The following ASTN2 variants were observed in gnomAD, a reference collection of about 807,000 sequenced individuals.
The protein encoded by ASTN2 is astrotactin-2.
Under a neutral mutation model 139.8 loss-of-function variants are expected in ASTN2, and 54 were observed. That is an observed-to-expected ratio of 0.39 (90% CI 0.31 to 0.48). The LOEUF (loss-of-function observed/expected upper bound fraction) is 0.48. Among genes scored for constraint, ASTN2 ranks in the 20% least tolerant of loss-of-function variants. The probability of loss-of-function intolerance (pLI) is 0.95; values close to 1 mark genes in which losing one functional copy is unlikely to be tolerated. For missense variants in ASTN2, 1,565 were observed against 1,725.1 expected (o/e 0.91, Z 1.64); for synonymous variants, 756 against 719.5 (o/e 1.05, Z -0.81).
chr9:117,312,163 A>G (rs1827993409), intron 1 of ASTN2, among the ~76,000 whole-genome samples: 1 of 152,216 alleles, frequency 6.6e-6, no homozygotes, highest in African/African-American at 2.4e-5. Context: ...TTCCCCCCAG[A>G]GACTTCTCTC....
intron 10 of ASTN2, among the ~76,000 whole-genome samples, chr9:116,949,166 T>C (rs1251086108): frequency 6.6e-6 from 1 of 152,014 alleles, no homozygotes; most frequent in Non-Finnish European, 1.5e-5. Context: ...ATACACTCTG[T>C]AAATAAAAGA....
intron 10 of ASTN2, 127 bp from the exon 11 acceptor site, chr9:116,863,860 T>C: frequency 9.3e-7 from 1 of 1,077,752 alleles, no homozygotes; most frequent in Non-Finnish European, 1.3e-6. Context: ...TAATAATCAA[T>C]ATTATAAAAA....
At chr9:116,962,498 C>T (rs1479723899) in intron 10 of ASTN2, among the ~76,000 whole-genome samples, 2 of 152,142 alleles carry the variant, frequency 1.3e-5, no homozygotes. Context: ...TTGATGTCTT[C>T]AGGAATGCTG....
At chr9:116,770,115 A>G (rs573599379) in intron 13 of ASTN2, among the ~76,000 whole-genome samples, 1 of 151,670 alleles carries the variant, frequency 6.6e-6, no homozygotes, top group Non-Finnish European at 1.5e-5. Flanking sequence ...AAAAAAAAAA[A>G]AAAACTAAAA....
At chr9:117,005,081 T>TTTTG (rs1837315926) in intron 7 of ASTN2, among the ~76,000 whole-genome samples, 1 of 7,436 alleles carries the variant, frequency 1.3e-4, no homozygotes, top group Non-Finnish European at 3.6e-4. Context: ...CTGTAGTCGA[T>TTTTG]TTTTTTTTTT....
intron 1 of ASTN2, among the ~76,000 whole-genome samples, chr9:117,337,637 T>A (rs1422445816): frequency 6.6e-6 from 1 of 152,134 alleles, no homozygotes; most frequent in Non-Finnish European, 1.5e-5. Context: ...CTTCAATATG[T>A]TTGAATTTTT....
chr9:116,602,804 T>C (rs1564145891), intron 19 of ASTN2, among the ~76,000 whole-genome samples: 1 of 152,012 alleles, frequency 6.6e-6, no homozygotes, highest in East Asian at 1.9e-4. Context: ...GTGGCATGCA[T>C]CTACAGTCCC....
chr9:117,109,059 C>T (rs1297038709), intron 4 of ASTN2, among the ~76,000 whole-genome samples: 2 of 151,970 alleles, frequency 1.3e-5, no homozygotes, highest in African/African-American at 2.4e-5. Context: ...CCGAGGTGGG[C>T]GGATCACTTG....
chr9:117,084,795 C>T (rs1311389917), intron 5 of ASTN2, among the ~76,000 whole-genome samples: 2 of 152,162 alleles, frequency 1.3e-5, no homozygotes, highest in African/African-American at 4.8e-5. Flanking sequence ...AGTGGTGGTT[C>T]TCGATGCTGG....
chr9:117,040,317 G>C (rs1239327214), intron 5 of ASTN2, among the ~76,000 whole-genome samples: 1 of 152,198 alleles, frequency 6.6e-6, no homozygotes, highest in Non-Finnish European at 1.5e-5. Context: ...AGAGGCAAGT[G>C]AGAAGATACC....
intron 6 of ASTN2, among the ~76,000 whole-genome samples, chr9:117,022,975 A>G (rs10983465): frequency 0.21 from 31,380 of 151,882 alleles, 4,018 homozygotes; most frequent in Middle Eastern, 0.28. Flanking sequence ...GATAGTGAAA[A>G]CAAATCAAAC....
chr9:117,134,297 C>T (rs2021154), intron 4 of ASTN2, among the ~76,000 whole-genome samples: 7,173 of 44,456 alleles, frequency 0.16, 206 homozygotes, highest in African/African-American at 0.2. Flanking sequence ...TATATATATA[C>T]ACACACACAC....
intron 20 of ASTN2, among the ~76,000 whole-genome samples, chr9:116,486,061 G>A (rs1466012462): frequency 6.6e-6 from 1 of 152,142 alleles, no homozygotes; most frequent in Non-Finnish European, 1.5e-5. Context: ...CTACAAGGTG[G>A]GTTTTATTAT....
At chr9:117,234,540 G>A (rs568583472) in intron 2 of ASTN2, among the ~76,000 whole-genome samples, 3 of 152,216 alleles carry the variant, frequency 2.0e-5, no homozygotes, top group South Asian at 4.2e-4. Flanking sequence ...AGATCTTAAG[G>A]TTAGCTGACA....
chr9:116,618,547 A>G lies in ASTN2; in HGVS notation c.3207-75T>C, dbSNP rs1855968709. ...GGGCCCAAAAGAATCCGCATGTGTCAAGATGAAGCATAGGTTTCAGTCTGA... is the reference window on the plus strand; with the variant it reads ...GGGCCCAAAAGAATCCGCATGTGTCGAGATGAAGCATAGGTTTCAGTCTGA... On this transcript the variant is annotated intron_variant, in intron 18 of 22. Coordinates refer to ENST00000313400, the MANE Select transcript of ASTN2 (RefSeq NM_001365068.1). 3.4e-6 allele frequency: 5 copies of G among 1,483,386 alleles called. No individual in the cohort carries two copies. The Admixed American group carries it at 1.2e-4, about 34-fold the overall frequency. The allele number at this position is 1,483,386 out of a possible 1,614,324, so 91.9% of individuals were successfully genotyped here. A position where few individuals can be genotyped will look rare whatever the true frequency, so the allele number is the denominator to read the frequency against.
Position 116,651,593 on chromosome 9 carries a change from C to T in ASTN2, c.3007G>A (p.Val1003Met), listed in dbSNP as rs142804658. Reference sequence around the variant, plus strand: ...ACCACACGGTTGATTTCCAGCAGCACTGGTGTGGGGCTCAGCTGCTCCTTG... The same window carrying T: ...ACCACACGGTTGATTTCCAGCAGCATTGGTGTGGGGCTCAGCTGCTCCTTG... ...PGKEQLSPTPVLLEINRVVPL... is the reference protein window; with the variant it reads ...PGKEQLSPTPMLLEINRVVPL... Residue 1003 changes from valine (V) to methionine (M), a missense_variant, in exon 17 of 23, where the codon GTG becomes ATG. By Grantham distance (21) the Val-to-Met change is conservative. Transcript: ENST00000313400. 1.3e-5 allele frequency: 21 copies of T among 1,614,192 alleles called. No individual in the cohort carries two copies. The highest frequency in any genetic ancestry group is 1.8e-5 in the Non-Finnish European group (21 of 1,180,034).
intron 19 of ASTN2, among the ~76,000 whole-genome samples, chr9:116,499,242 A>G (rs896670509): frequency 6.6e-6 from 1 of 152,132 alleles, no homozygotes; most frequent in Non-Finnish European, 1.5e-5. Context: ...AGCCTTGTCC[A>G]TGTTGTTCAT....
At chr9:116,851,414 G>A (rs1190761959) in intron 11 of ASTN2, among the ~76,000 whole-genome samples, 1 of 152,012 alleles carries the variant, frequency 6.6e-6, no homozygotes, top group Admixed American at 6.6e-5. Context: ...TATCAAAACT[G>A]TAAATAATGT....
chr9:117,198,027 G>A (rs1002092559), intron 3 of ASTN2, among the ~76,000 whole-genome samples: 1 of 151,864 alleles, frequency 6.6e-6, no homozygotes, highest in African/African-American at 2.4e-5. Context: ...TTAACTGCCT[G>A]AATAAAATGT....
Sources: gnomAD v4.1 joint callset for allele counts (sites outside exome capture counted in the v4.1 genomes callset) on GRCh38, gnomAD v4.1.1 for gene constraint, MANE v1.5 for transcripts, NCBI Gene and HGNC (gene_info 2026-07-23, HGNC 2026-07-21) for gene names.